CNTLN: variants seen among roughly 807,000 people sequenced by gnomAD.
CNTLN encodes the protein centlein, centrosomal protein.
Under a neutral mutation model 180.0 loss-of-function variants are expected in CNTLN, and 212 were observed. The observed-to-expected ratio is 1.18, with a 90% CI of 1.05 to 1.32. CNTLN has a LOEUF of 1.32. Ranked by LOEUF, CNTLN falls within the 40% of genes most tolerant of loss-of-function variation. The pLI, the probability that CNTLN is intolerant of heterozygous loss-of-function variation, is 0.00. For missense variants in CNTLN, 2,095 were observed against 1,610.9 expected, an observed-to-expected ratio of 1.30 and a Z score of -5.14; for synonymous variants, 722 against 563.1, an observed-to-expected ratio of 1.28 and a Z score of -3.99.
chr9:17,155,565 C>T (rs933046229), intron 2 of CNTLN, among the ~76,000 whole-genome samples: 3 of 152,138 alleles, frequency 2.0e-5, no homozygotes, highest in East Asian at 1.9e-4. Context: ...ACACTGTGGC[C>T]GTGAAACTGC....
Position 17,492,534 on chromosome 9 carries a change from A to AACAAATGGGACAATTCATG in CNTLN, c.4119+5469_4119+5487dup, listed in dbSNP as rs527394965. 1.1e-4 allele frequency among the ~76,000 whole-genome samples: 16 copies of AACAAATGGGACAATTCATG among 152,278 alleles called. No individual in the cohort carries two copies. The South Asian group carries it at 2.7e-3, about 26-fold the overall frequency. On this transcript the variant is annotated intron_variant, in intron 25 of 25. Coordinates refer to ENST00000380647, the MANE Select transcript of CNTLN (RefSeq NM_017738.4). ...TGTAAAAGTGCTAGTCAGCATGGGA[A>AACAAATGGGACAATTCATG]ACAAATGGGACAATTCATGTCTTTA...
intron 13 of CNTLN, among the ~76,000 whole-genome samples, chr9:17,377,211 T>C (rs2383014): frequency 2.0e-5 from 3 of 152,348 alleles, no homozygotes; most frequent in South Asian, 2.1e-4. Context: ...TTTCTATTTA[T>C]GAATTCTTTC....
At chr9:17,184,675 C>G (rs149445420) in intron 2 of CNTLN, among the ~76,000 whole-genome samples, 3 of 152,274 alleles carry the variant, frequency 2.0e-5, no homozygotes, top group African/African-American at 7.2e-5. Flanking sequence ...AATCCAGCCA[C>G]TTTAGCAGAA....
At chr9:17,464,758 T>C (rs1831647661) in intron 21 of CNTLN, 135 bp downstream of exon 21, 3 of 512,270 alleles carry the variant, frequency 5.9e-6, no homozygotes, top group Non-Finnish European at 9.9e-6. Context: ...AAAGTAACAC[T>C]CTTTGCTCTG....
At chr9:17,371,630 C>T (rs890941599) in intron 13 of CNTLN, among the ~76,000 whole-genome samples, 1 of 152,114 alleles carries the variant, frequency 6.6e-6, no homozygotes, top group Admixed American at 6.6e-5. Flanking sequence ...CTAATATTTA[C>T]AGAACATTTC....
At chr9:17,452,587 G>T (rs1830847751) in intron 18 of CNTLN, among the ~76,000 whole-genome samples, 1 of 152,056 alleles carries the variant, frequency 6.6e-6, no homozygotes, top group African/African-American at 2.4e-5. Flanking sequence ...CATATTTCTG[G>T]ATTATAGACC....
intron 8 of CNTLN, among the ~76,000 whole-genome samples, chr9:17,316,960 C>T (rs1819579860): frequency 6.6e-6 from 1 of 151,910 alleles, no homozygotes; most frequent in Non-Finnish European, 1.5e-5. Flanking sequence ...CAAATTACAT[C>T]TTTATATATT....
chr9:17,507,397 T>G (rs1270794130), downstream of CNTLN, among the ~76,000 whole-genome samples: 1 of 152,180 alleles, frequency 6.6e-6, no homozygotes, highest in Non-Finnish European at 1.5e-5. Context: ...CCACCATTGA[T>G]AGGCACTTGG....
At chr9:17,352,416 A>ATTTTTTT (rs869286111) in intron 12 of CNTLN, among the ~76,000 whole-genome samples, 1 of 31,304 alleles carries the variant, frequency 3.2e-5, no homozygotes, top group African/African-American at 1.2e-4. Flanking sequence ...ATATATATAT[A>ATTTTTTT]TTTTTTTTTT....
chr9:17,524,792 A>G, the CNTLN span, among the ~76,000 whole-genome samples: 4 of 152,348 alleles, frequency 2.6e-5, no homozygotes, highest in Middle Eastern at 3.4e-3. Context: ...TTTTAAGAAT[A>G]AAACCTTGGC....
intron 6 of CNTLN, among the ~76,000 whole-genome samples, chr9:17,292,864 A>G (rs1329464134): frequency 2.6e-5 from 4 of 152,112 alleles, no homozygotes; most frequent in African/African-American, 4.8e-5. Context: ...TTATGATCAT[A>G]TGGAGAAGAG....
intron 15 of CNTLN, among the ~76,000 whole-genome samples, chr9:17,408,782 C>T (rs560405426): frequency 7.2e-6 from 1 of 138,822 alleles, no homozygotes; most frequent in African/African-American, 2.7e-5. Context: ...GCCTGGGTGA[C>T]AGAGCGAGAC....
chr9:17,259,581 T>C (rs1442712465), intron 5 of CNTLN, among the ~76,000 whole-genome samples: 1 of 150,794 alleles, frequency 6.6e-6, no homozygotes, highest in Non-Finnish European at 1.5e-5. Context: ...TCTGGTAGAA[T>C]TCGGCTGTGA....
intron 12 of CNTLN, among the ~76,000 whole-genome samples, chr9:17,354,047 C>A (rs7871926): frequency 0.6 from 90,967 of 152,066 alleles, 27,466 homozygotes; most frequent in East Asian, 0.73. Context: ...CCAGCCCTGC[C>A]GGCCCCAGGC....
intron 15 of CNTLN, among the ~76,000 whole-genome samples, chr9:17,403,029 C>T (rs1032687330): frequency 1.3e-5 from 2 of 151,576 alleles, no homozygotes; most frequent in African/African-American, 2.4e-5. Context: ...TGAGGGAGTG[C>T]GTCAAAAGAG....
intron 25 of CNTLN, among the ~76,000 whole-genome samples, chr9:17,497,722 G>C (rs1464154351): frequency 3.3e-5 from 5 of 152,122 alleles, no homozygotes; most frequent in Admixed American, 2.0e-4. Flanking sequence ...AGCAGAAATA[G>C]AAACAACCAT....
chr9:17,218,687 A>G (rs933243424), intron 2 of CNTLN, among the ~76,000 whole-genome samples: 15 of 152,174 alleles, frequency 9.9e-5, no homozygotes, highest in Admixed American at 5.9e-4. Flanking sequence ...ACGTTAGTCC[A>G]ATAAATAGCT....
At chr9:17,224,270 C>T (rs1239194368) in intron 2 of CNTLN, among the ~76,000 whole-genome samples, 1 of 151,954 alleles carries the variant, frequency 6.6e-6, no homozygotes, top group Non-Finnish European at 1.5e-5. Flanking sequence ...TTTGTTCCCT[C>T]CAATATCTCT....
chr9:17,211,229 A>T (rs1209036697), intron 2 of CNTLN, among the ~76,000 whole-genome samples: 10 of 152,102 alleles, frequency 6.6e-5, no homozygotes, highest in East Asian at 1.9e-4. Flanking sequence ...AATTAATTTT[A>T]GTACAAGGTG....
Sources: gnomAD v4.1 joint callset for allele counts (sites outside exome capture counted in the v4.1 genomes callset) on GRCh38, gnomAD v4.1.1 for gene constraint, MANE v1.5 for transcripts, NCBI Gene and HGNC (gene_info 2026-07-23, HGNC 2026-07-21) for gene names.